The following PAK4 variants were observed in gnomAD, a reference collection of about 807,000 sequenced individuals.
PAK4 encodes the protein serine/threonine-protein kinase PAK 4.
Under a neutral mutation model 53.5 loss-of-function variants are expected in PAK4, and 49 were observed. That is an observed-to-expected ratio of 0.92 (90% CI 0.73 to 1.16). PAK4 has a LOEUF of 1.16. Among genes scored for constraint, PAK4 ranks in the 50% most tolerant of loss-of-function variants. The pLI is 0.00. For missense variants in PAK4, 824 were observed against 850.7 expected (o/e 0.97, Z 0.39); for synonymous variants, 376 against 375.6 (o/e 1.00, Z -0.01).
At chr19:39,158,877 T>C (rs1455855081) in intron 1 of PAK4, among the ~76,000 whole-genome samples, 1 of 152,134 alleles carries the variant, frequency 6.6e-6, no homozygotes, top group Non-Finnish European at 1.5e-5. Context: ...ACTAGCATAT[T>C]TGCTCGGCAG....
At chr19:39,136,260 A>G (rs2073813460) in intron 1 of PAK4, among the ~76,000 whole-genome samples, 1 of 151,432 alleles carries the variant, frequency 6.6e-6, no homozygotes, top group Non-Finnish European at 1.5e-5. Context: ...GCACACAGCC[A>G]GAGGTAGCCG....
intron 1 of PAK4, among the ~76,000 whole-genome samples, chr19:39,148,195 G>T (rs368685423): frequency 6.6e-6 from 1 of 151,038 alleles, no homozygotes; most frequent in Non-Finnish European, 1.5e-5. Context: ...CAGGTGATCC[G>T]CCTGCCTCGG....
chr19:39,127,091 T>A (rs2073599244), intron 1 of PAK4, among the ~76,000 whole-genome samples: 4 of 152,004 alleles, frequency 2.6e-5, no homozygotes, highest in African/African-American at 9.7e-5. Flanking sequence ...CCTGTGAGCC[T>A]ATGGGAGTAG....
chr19:39,167,401 C>T (rs1177263013), intron 1 of PAK4, among the ~76,000 whole-genome samples: 2 of 152,084 alleles, frequency 1.3e-5, no homozygotes, highest in African/African-American at 4.8e-5. Flanking sequence ...GTGGATGACC[C>T]TGGGAGCTGG....
chr19:39,167,010 G>A (rs1354995590), intron 1 of PAK4, among the ~76,000 whole-genome samples: 2 of 152,240 alleles, frequency 1.3e-5, no homozygotes, highest in African/African-American at 4.8e-5. Flanking sequence ...GTTTATGGGT[G>A]GGAGGGCAGG....
chr19:39,132,099 C>T (rs540312814), intron 1 of PAK4, among the ~76,000 whole-genome samples: 5 of 152,352 alleles, frequency 3.3e-5, no homozygotes, highest in East Asian at 1.9e-4. Flanking sequence ...CCCAGCTCCA[C>T]GTGCCAGGCA....
At chr19:39,162,037 G>A (rs937210390) in intron 1 of PAK4, among the ~76,000 whole-genome samples, 2 of 152,124 alleles carry the variant, frequency 1.3e-5, no homozygotes, top group African/African-American at 4.8e-5. Context: ...TTGGCTCGCT[G>A]CAACTTCCAC....
At chr19:39,141,274 C>T (rs1457781745) in intron 1 of PAK4, among the ~76,000 whole-genome samples, 1 of 152,026 alleles carries the variant, frequency 6.6e-6, no homozygotes, top group Non-Finnish European at 1.5e-5. Flanking sequence ...TTTTCCAGAA[C>T]AAGCCTGCCT....
At chr19:39,168,432 CCCA>C (rs1427710430) in intron 1 of PAK4, 130 bp downstream of exon 2, 1 of 152,230 alleles carries the variant, frequency 6.6e-6, no homozygotes, top group Non-Finnish European at 1.5e-5. Context: ...CACAGTGGTC[CCCA>C]CCGATAGGCC....
In PAK4 at chr19:39,173,667, G is replaced by A. The variant is rs559867551; in HGVS notation, c.755G>A (p.Arg252Gln). Residue 252 changes from arginine to glutamine, a missense_variant, in exon 4 of 9, where the codon CGA (arginine) becomes CAA (glutamine). By Grantham distance (43) the Arg-to-Gln change is conservative. Transcript: ENST00000358301. This position sits in a 1 kb window ranked among gnomAD's most constrained non-coding sequence, Gnocchi z 6.9. ...TCCTCCTCCTCCCGGCCTCCCACCC[G>A]AGCCCGAGGTGCCCCCAGCCCTGGA... is the stretch of plus-strand genomic sequence containing the variant. The A allele has an allele frequency of 1.7e-5, 26 of 1,575,574 alleles. No individual in the cohort carries two copies. Among genetic ancestry groups the A allele is most frequent in the East Asian group, 6.9e-5 (3 of 43,212 alleles).
chr19:39,174,678 C>G (rs2074565385), intron 4 of PAK4, among the ~76,000 whole-genome samples: 1 of 152,130 alleles, frequency 6.6e-6, no homozygotes, highest in Non-Finnish European at 1.5e-5. Flanking sequence ...TCCCACCTGC[C>G]CCCCAGCACT....
At chr19:39,176,538 G>T in intron 6 of PAK4, 52 bp from the exon 8 acceptor site, 1 of 1,611,270 alleles carries the variant, frequency 6.2e-7, no homozygotes. Context: ...GCCCCTGCTC[G>T]CCCTCCTGCT....
chr19:39,131,876 T>C (rs1230832586), intron 1 of PAK4, among the ~76,000 whole-genome samples: 1 of 152,164 alleles, frequency 6.6e-6, no homozygotes, highest in Non-Finnish European at 1.5e-5. Context: ...ATTCCTCACC[T>C]GTTACAGGGA....
At chr19:39,155,470 A>C (rs1403607667) in intron 1 of PAK4, among the ~76,000 whole-genome samples, 1 of 151,924 alleles carries the variant, frequency 6.6e-6, no homozygotes, top group Admixed American at 6.6e-5. Flanking sequence ...TTCGTGGAGG[A>C]GCAGGTGCCT....
intron 1 of PAK4, among the ~76,000 whole-genome samples, chr19:39,136,068 T>TTCTTCCTTGTCACCCC (rs1321507705): frequency 1.1e-5 from 1 of 93,550 alleles, no homozygotes; most frequent in Non-Finnish European, 2.0e-5. Flanking sequence ...CTCGTCACCC[T>TTCTTCCTTGTCACCCC]TCTTCCTTGT....
intron 1 of PAK4, among the ~76,000 whole-genome samples, chr19:39,158,242 C>T (rs918345632): frequency 2.0e-5 from 3 of 149,832 alleles, no homozygotes; most frequent in South Asian, 2.1e-4. Flanking sequence ...TGTGTGTGCG[C>T]GCATGTGTGA....
intron 1 of PAK4, among the ~76,000 whole-genome samples, chr19:39,153,081 T>G (rs1205107911): frequency 6.6e-6 from 1 of 152,142 alleles, no homozygotes; most frequent in Non-Finnish European, 1.5e-5. Flanking sequence ...ATCATAATTA[T>G]AAATTGTTAG....
chr19:39,165,515 A>T (rs966891337), intron 1 of PAK4, among the ~76,000 whole-genome samples: 3 of 135,042 alleles, frequency 2.2e-5, no homozygotes, highest in African/African-American at 5.4e-5. Context: ...ACTCCCTCTC[A>T]AAATAAATAA....
chr19:39,135,383 T>G (rs1013978299), intron 1 of PAK4, among the ~76,000 whole-genome samples: 1 of 136,468 alleles, frequency 7.3e-6, no homozygotes, highest in African/African-American at 2.8e-5. Flanking sequence ...TCACCAGGGC[T>G]GGAGTGCAGC....
Sources: allele counts gnomAD v4.1 joint callset (sites outside exome capture counted in the v4.1 genomes callset), GRCh38; gene constraint gnomAD v4.1.1; non-coding constraint Gnocchi (gnomAD v3.1); transcripts MANE v1.5; gene names NCBI Gene and HGNC (gene_info 2026-07-23, HGNC 2026-07-21).